The following CREM variants were observed in gnomAD, a reference collection of about 807,000 sequenced individuals.
CREM encodes cAMP responsive element modulator, also known as cAMP-responsive element modulator.
Under a neutral mutation model 37.3 loss-of-function variants are expected in CREM, and 13 were observed. The observed-to-expected ratio is 0.35, with a 90% CI of 0.23 to 0.55. The LOEUF (loss-of-function observed/expected upper bound fraction) is 0.55, where lower values mean the gene tolerates loss of function less well. CREM is among the 20% of genes least tolerant of loss of function. The pLI, the probability that CREM is intolerant of heterozygous loss-of-function variation, is 0.88. For synonymous variants in CREM, 124 were observed against 120.2 expected, an observed-to-expected ratio of 1.03 and a Z score of -0.21; for missense variants, 296 against 362.3, an observed-to-expected ratio of 0.82 and a Z score of 1.49.
intron 1 of CREM, among the ~76,000 whole-genome samples, chr10:35,135,743 AG>A (rs1399940651): frequency 1.8e-4 from 12 of 64,966 alleles, no homozygotes; most frequent in East Asian, 4.6e-4. Flanking sequence ...AAAAAAAAAA[AG>A]AGAGACATTA....
chr10:35,180,687 T>A (rs561009788), intron 5 of CREM, among the ~76,000 whole-genome samples: 1 of 152,384 alleles, frequency 6.6e-6, no homozygotes, highest in South Asian at 2.1e-4. Context: ...CTCGTTTACA[T>A]GCTCTTTTGT....
intron 5 of CREM, 117 bp from the exon 6 acceptor site, chr10:35,188,083 G>A (rs1051217317): frequency 2.0e-6 from 2 of 1,002,276 alleles, no homozygotes; most frequent in Non-Finnish European, 1.4e-6. Context: ...TAGAAAATAA[G>A]GGTAACCTGA....
intron 6 of CREM, chr10:35,195,997 A>G (rs1564953040): frequency 6.4e-7 from 1 of 1,559,304 alleles, no homozygotes; most frequent in Non-Finnish European, 8.8e-7. Context: ...TGTTAGCCCT[A>G]CTTTAACATT....
chr10:35,206,840 A>T, intron 6 of CREM, 55 bp from the exon 7 acceptor site: 1 of 1,573,428 alleles, frequency 6.4e-7, no homozygotes, highest in South Asian at 1.1e-5. Flanking sequence ...GTTTTATGTA[A>T]AATGCCAAAT....
In CREM at chr10:35,137,489, A is replaced by G. The variant is rs2090742175; in HGVS notation, c.-54-293A>G. On this transcript the variant is annotated intron_variant, in intron 1 of 7. Transcript: ENST00000685392. The stretch of plus-strand genomic sequence containing the variant: ...AGCACTGCTTTCTCTTCAGTAGAAA[A>G]TAATCAGAAAAATAGTTTATCATTT... Among the ~76,000 whole-genome samples, 5 of 152,322 alleles carry G rather than the reference A, an allele frequency of 3.3e-5. No individual in the cohort carries two copies. The South Asian group carries it at 8.3e-4, about 25-fold the overall frequency.
At chr10:35,133,377 G>A (rs919076878) in intron 1 of CREM, among the ~76,000 whole-genome samples, 1 of 150,108 alleles carries the variant, frequency 6.7e-6, no homozygotes, top group Non-Finnish European at 1.5e-5. Flanking sequence ...GAGCAATCTC[G>A]GCTCACTGCA....
At chr10:35,168,565 C>G (rs753442349) in intron 3 of CREM, among the ~76,000 whole-genome samples, 3 of 152,030 alleles carry the variant, frequency 2.0e-5, no homozygotes, top group Admixed American at 1.3e-4. Flanking sequence ...TCACTTTGAT[C>G]GTAGTTTCTT....
chr10:35,197,050 G>A (rs939790697), intron 6 of CREM, among the ~76,000 whole-genome samples: 1 of 151,628 alleles, frequency 6.6e-6, no homozygotes, highest in Non-Finnish European at 1.5e-5. Flanking sequence ...ATAGAGGCGG[G>A]GTTTCACCGT....
At chr10:35,133,921 G>A (rs947657747) in intron 1 of CREM, among the ~76,000 whole-genome samples, 5 of 152,256 alleles carry the variant, frequency 3.3e-5, no homozygotes, top group African/African-American at 1.2e-4. Flanking sequence ...TTAATATGGA[G>A]AGCTGGAAAT....
chr10:35,175,735 C>G (rs2094029227), intron 3 of CREM: 2 of 1,614,016 alleles, frequency 1.2e-6, no homozygotes, highest in African/African-American at 2.7e-5. Flanking sequence ...TGTCATTTCT[C>G]AGCAGCAGGA....
intron 3 of CREM, among the ~76,000 whole-genome samples, chr10:35,164,876 CCT>C (rs1246931836): frequency 6.6e-6 from 1 of 151,798 alleles, no homozygotes; most frequent in African/African-American, 2.4e-5. Flanking sequence ...ATGGTGAAAC[CCT>C]GTCTCTACAA....
intron 5 of CREM, chr10:35,179,891 C>T (rs1473454800): frequency 6.6e-6 from 1 of 152,190 alleles, no homozygotes; most frequent in African/African-American, 2.4e-5. Flanking sequence ...GCTTTTTGCT[C>T]TGATTAAAGC....
At chr10:35,187,011 A>G (rs1428606225) in intron 5 of CREM, among the ~76,000 whole-genome samples, 7 of 79,940 alleles carry the variant, frequency 8.8e-5, no homozygotes, top group African/African-American at 2.6e-4. Flanking sequence ...TATATAATAT[A>G]ATATATAATA....
rs752216122 is a variant in CREM, at chr10:35,211,778, T to C, written c.*380T>C. The C allele has an allele frequency of 3.7e-6, 6 of 1,612,538 alleles. No homozygotes were observed. The East Asian group carries it at 1.3e-4, about 36-fold the overall frequency. On this transcript the variant is annotated 3_prime_UTR_variant, in exon 8 of 8. Coordinates refer to ENST00000685392, the MANE Select transcript of CREM (RefSeq NM_183011.2). Reference sequence around the variant, plus strand: ...GAGGAACTTGAAACCTTGAAAGACATTTGTTCTCCCAAAACAGATTACTAG... The same window carrying C: ...GAGGAACTTGAAACCTTGAAAGACACTTGTTCTCCCAAAACAGATTACTAG...
intron 7 of CREM, among the ~76,000 whole-genome samples, chr10:35,210,100 T>C (rs2134826943): frequency 6.6e-6 from 1 of 152,142 alleles, no homozygotes; most frequent in African/African-American, 2.4e-5. Flanking sequence ...ACATCACATG[T>C]GGTTCAGGAT....
chr10:35,210,225 C>T (rs2095635668), intron 7 of CREM, among the ~76,000 whole-genome samples: 1 of 151,762 alleles, frequency 6.6e-6, no homozygotes, highest in Admixed American at 6.6e-5. Flanking sequence ...GGTGATCTAC[C>T]TCAAAGGCAG....
intron 3 of CREM, among the ~76,000 whole-genome samples, chr10:35,165,340 A>G (rs778388496): frequency 6.6e-6 from 1 of 152,118 alleles, no homozygotes; most frequent in Non-Finnish European, 1.5e-5. Flanking sequence ...ATGACCATTC[A>G]TGAGGGATCC....
At chr10:35,188,796 T>C (rs2094772346) in intron 6 of CREM, among the ~76,000 whole-genome samples, 1 of 151,922 alleles carries the variant, frequency 6.6e-6, no homozygotes, top group Non-Finnish European at 1.5e-5. Flanking sequence ...GAGCTGGGAT[T>C]ACAGGCATGA....
chr10:35,158,514 A>G (rs2093056322), intron 3 of CREM: 1 of 199,902 alleles, frequency 5.0e-6, no homozygotes, highest in Admixed American at 6.0e-5. Context: ...AAGGAGGCCC[A>G]GGAGAAAAGA....
Sources: allele counts gnomAD v4.1 joint callset (sites outside exome capture counted in the v4.1 genomes callset), GRCh38; gene constraint gnomAD v4.1.1; transcripts MANE v1.5; gene names NCBI Gene and HGNC (gene_info 2026-07-23, HGNC 2026-07-21).